The following KPNA4 variants were observed in gnomAD, a reference collection of about 807,000 sequenced individuals.
KPNA4 encodes karyopherin subunit alpha 4.
In KPNA4, 13 loss-of-function variants were observed where a neutral mutation model predicts 71.3. The ratio of observed to expected loss-of-function variants is 0.18; its 90% confidence interval spans 0.12 to 0.29. KPNA4 has a LOEUF of 0.29. Among genes scored for constraint, KPNA4 ranks in the 10% least tolerant of loss-of-function variants. The pLI, the probability that KPNA4 is intolerant of heterozygous loss-of-function variation, is 1.00. For synonymous variants in KPNA4, 189 were observed against 195.2 expected (o/e 0.97, Z 0.26); for missense variants, 334 against 603.2 (o/e 0.55, Z 4.67).
At chr3:160,547,122 T>TC (rs1420441702) in intron 1 of KPNA4, among the ~76,000 whole-genome samples, 1 of 152,204 alleles carries the variant, frequency 6.6e-6, no homozygotes, top group Non-Finnish European at 1.5e-5. Flanking sequence ...ATTTAAAAAG[T>TC]CCAACTATGA....
At chr3:160,564,123 T>G (rs1007796006) in intron 1 of KPNA4, 3 of 152,150 alleles carry the variant, frequency 2.0e-5, no homozygotes, top group Non-Finnish European at 4.4e-5. Context: ...AAGGGAAGTA[T>G]TAAATCTATT....
At chr3:160,543,553 G>C (rs554045937) in intron 1 of KPNA4, among the ~76,000 whole-genome samples, 5 of 152,024 alleles carry the variant, frequency 3.3e-5, no homozygotes, top group African/African-American at 7.3e-5. Context: ...GGCTAGTCTC[G>C]AACTCCTGAC....
chr3:160,537,941 T>C (rs1204126533), intron 1 of KPNA4, among the ~76,000 whole-genome samples: 1 of 152,038 alleles, frequency 6.6e-6, no homozygotes, highest in Non-Finnish European at 1.5e-5. Context: ...CATGTAGCCC[T>C]CCTGCTCTTA....
intron 10 of KPNA4, among the ~76,000 whole-genome samples, chr3:160,525,524 C>T (rs1296886248): frequency 6.6e-6 from 1 of 152,148 alleles, no homozygotes; most frequent in African/African-American, 2.4e-5. Context: ...TTTTATAACA[C>T]TAATATATAC....
intron 13 of KPNA4, 48 bp downstream of exon 13, chr3:160,514,029 C>T: frequency 1.8e-6 from 2 of 1,106,000 alleles, no homozygotes; most frequent in Non-Finnish European, 2.5e-6. Flanking sequence ...ATTTAAATCC[C>T]CTTCCCCTTA....
chr3:160,559,116 A>C (rs940993712), intron 1 of KPNA4, among the ~76,000 whole-genome samples: 1 of 152,140 alleles, frequency 6.6e-6, no homozygotes, highest in African/African-American at 2.4e-5. Context: ...TACTTGAAAA[A>C]ACGACTGACA....
intron 15 of KPNA4, among the ~76,000 whole-genome samples, chr3:160,507,227 A>G (rs899013673): frequency 1.3e-5 from 2 of 152,204 alleles, no homozygotes; most frequent in Non-Finnish European, 2.9e-5. Flanking sequence ...GGTCGGGCGC[A>G]GTTGCTCACA....
intron 1 of KPNA4, among the ~76,000 whole-genome samples, chr3:160,553,503 A>G (rs1722079867): frequency 6.6e-6 from 1 of 152,232 alleles, no homozygotes; most frequent in Non-Finnish European, 1.5e-5. Context: ...AACTTTGCAG[A>G]TCCATGAACA....
At chr3:160,502,401 C>T (rs938628982) in intron 16 of KPNA4, among the ~76,000 whole-genome samples, 199 bp from the exon 17 acceptor site, 7 of 151,450 alleles carry the variant, frequency 4.6e-5, no homozygotes, top group African/African-American at 1.7e-4. Flanking sequence ...GATGGGGTCT[C>T]ACTCTGTCAC....
At chr3:160,558,264 A>G (rs531790179) in intron 1 of KPNA4, among the ~76,000 whole-genome samples, 2 of 152,332 alleles carry the variant, frequency 1.3e-5, no homozygotes, top group East Asian at 3.9e-4. Flanking sequence ...AATAAGGGGA[A>G]TAAGAAGCCT....
chr3:160,512,592 T>G (rs542750780), intron 13 of KPNA4, among the ~76,000 whole-genome samples: 86 of 152,298 alleles, frequency 5.6e-4, no homozygotes, highest in African/African-American at 2.0e-3. Flanking sequence ...TGGCCGGGCA[T>G]GGATGGCTCA....
intron 10 of KPNA4, 146 bp from the exon 11 acceptor site, chr3:160,522,056 G>T: frequency 1.5e-6 from 1 of 659,282 alleles, no homozygotes; most frequent in Non-Finnish European, 2.6e-6. Context: ...TGATCGCTAC[G>T]GTATTAAACA....
chr3:160,565,232 G>A lies in KPNA4; in HGVS notation c.51C>T (p.Asn17=), dbSNP rs1490997424. The A allele has an allele frequency of 6.2e-7, 1 of 1,609,892 alleles. No homozygotes were observed. Among genetic ancestry groups the A allele is most frequent in the Non-Finnish European group, 8.5e-7 (1 of 1,178,056 alleles). Residue 17 remains asparagine (N), a synonymous_variant, in exon 1 of 17, where the codon AAC becomes AAT. Coordinates refer to ENST00000334256, the MANE Select transcript of KPNA4 (RefSeq NM_002268.5). ...LDNQRLKNFK[N]KGRDLETMRR... ...AGTTTACCTCCAAGTCGCGGCCTTTGTTCTTGAAATTCTTGAGCCGTTGGT... is the reference window on the plus strand; with the variant it reads ...AGTTTACCTCCAAGTCGCGGCCTTTATTCTTGAAATTCTTGAGCCGTTGGT...
At chr3:160,528,119 C>A in intron 7 of KPNA4, 80 bp from the exon 8 acceptor site, 4 of 1,031,810 alleles carry the variant, frequency 3.9e-6, no homozygotes, top group African/African-American at 1.6e-5. Flanking sequence ...TTGCTGAGAC[C>A]TCAAAAAAAA....
chr3:160,542,020 A>T (rs1437232047), intron 1 of KPNA4, among the ~76,000 whole-genome samples: 1 of 152,186 alleles, frequency 6.6e-6, no homozygotes, highest in Non-Finnish European at 1.5e-5. Context: ...ATGTAAGCTT[A>T]ATTTTTAAGA....
chr3:160,517,720 A>G (rs1721257022), intron 11 of KPNA4, among the ~76,000 whole-genome samples: 1 of 151,900 alleles, frequency 6.6e-6, no homozygotes, highest in African/African-American at 2.4e-5. Flanking sequence ...AATGATGTTG[A>G]GCTTCTTTTC....
At chr3:160,503,032 A>G in intron 16 of KPNA4, among the ~76,000 whole-genome samples, 1 of 151,478 alleles carries the variant, frequency 6.6e-6, no homozygotes, top group Non-Finnish European at 1.5e-5. Context: ...AATTCCTTGA[A>G]CCTGGGAGGC....
intron 16 of KPNA4, among the ~76,000 whole-genome samples, chr3:160,502,897 G>C (rs151253042): frequency 5.5e-4 from 84 of 152,172 alleles, no homozygotes; most frequent in Middle Eastern, 3.4e-3. Flanking sequence ...GATCACCTGA[G>C]GTCAGGAGTT....
intron 1 of KPNA4, among the ~76,000 whole-genome samples, chr3:160,556,161 G>A (rs1256635413): frequency 1.1e-4 from 16 of 152,184 alleles, no homozygotes; most frequent in African/African-American, 3.4e-4. Flanking sequence ...TGGCTGTTAT[G>A]GATAATGCTG....
Sources: gnomAD v4.1 joint callset for allele counts (sites outside exome capture counted in the v4.1 genomes callset) on GRCh38, gnomAD v4.1.1 for gene constraint, MANE v1.5 for transcripts, NCBI Gene and HGNC (gene_info 2026-07-23, HGNC 2026-07-21) for gene names.